PUDP: variants seen among roughly 807,000 people sequenced by gnomAD.
The protein encoded by PUDP is pseudouridine-5'-phosphatase.
In PUDP, 8 loss-of-function variants were observed where a neutral mutation model predicts 9.4. That is an observed-to-expected ratio of 0.85 (90% CI 0.50 to 1.53). The LOEUF is 1.53. Among genes scored for constraint, PUDP ranks in the 40% most tolerant of loss-of-function variants. The pLI is 0.00. For synonymous variants in PUDP, 99 were observed against 80.7 expected (o/e 1.23, Z -1.22); for missense variants, 188 against 189.7 (o/e 0.99, Z 0.05).
intron 1 of PUDP, among the ~76,000 whole-genome samples, chrX:7,125,943 G>C (rs1444148981): frequency 9.1e-6 from 1 of 110,175 alleles, no homozygotes; most frequent in Admixed American, 9.7e-5. Flanking sequence ...ATTTGGGTGG[G>C]GACACAGCCA....
At chrX:7,069,763 G>A (rs1297579120) in intron 3 of PUDP, among the ~76,000 whole-genome samples, 2 of 111,602 alleles carry the variant, frequency 1.8e-5, no homozygotes, top group Admixed American at 1.9e-4. Context: ...AACCAGGGAA[G>A]TGTGAGTCTT....
At chrX:6,921,399 GA>G (rs750644481) in intron 3 of PUDP, among the ~76,000 whole-genome samples, 4 of 109,363 alleles carry the variant, frequency 3.7e-5, no homozygotes, top group African/African-American at 1.0e-4. Context: ...ACAAAAAAAA[GA>G]AAAAAAATAC....
At chrX:7,072,525 T>C (rs1345647898) in intron 3 of PUDP, among the ~76,000 whole-genome samples, 4 of 111,686 alleles carry the variant, frequency 3.6e-5, no homozygotes, top group Admixed American at 1.9e-4. Flanking sequence ...TGTAAAAAAT[T>C]GATTTCCAGC....
intron 3 of PUDP, among the ~76,000 whole-genome samples, chrX:6,967,557 C>A (rs1281578711): frequency 4.5e-5 from 5 of 111,157 alleles, no homozygotes; most frequent in African/African-American, 1.6e-4. Context: ...TAAAAAAGAA[C>A]CAGAGCAATC....
chrX:7,064,388 A>C (rs1414350217), intron 3 of PUDP, among the ~76,000 whole-genome samples: 1 of 112,012 alleles, frequency 8.9e-6, no homozygotes, highest in Non-Finnish European at 1.9e-5. Context: ...CCCACTTGGG[A>C]ACACAACCAG....
chrX:6,803,674 C>T (rs772151752), intron 3 of PUDP, among the ~76,000 whole-genome samples: 11 of 112,040 alleles, frequency 9.8e-5, no homozygotes, highest in Non-Finnish European at 1.3e-4. Context: ...TACATATCTC[C>T]GAGTTCGACG....
intron 3 of PUDP, among the ~76,000 whole-genome samples, chrX:6,736,095 C>A (rs775937149): frequency 8.3e-5 from 9 of 108,428 alleles, no homozygotes; most frequent in Non-Finnish European, 1.7e-4. Context: ...ATTTCTAAAC[C>A]AATAACGACA....
intron 1 of PUDP, chrX:7,117,179 A>G (rs1932220572): frequency 6.5e-6 from 6 of 925,998 alleles, no homozygotes; most frequent in Admixed American, 6.4e-5. Flanking sequence ...AAAATATGGA[A>G]GTGACTTTGG....
At chrX:6,962,418 C>T (rs1928722503) in intron 3 of PUDP, among the ~76,000 whole-genome samples, 4 of 89,633 alleles carry the variant, frequency 4.5e-5, no homozygotes, top group Admixed American at 2.4e-4. Flanking sequence ...TTTCAATCTT[C>T]CTTATAAAAT....
intron 1 of PUDP, among the ~76,000 whole-genome samples, chrX:7,037,412 A>G (rs1297210541): frequency 8.9e-6 from 1 of 112,399 alleles, no homozygotes; most frequent in Admixed American, 9.4e-5. Flanking sequence ...TTGAAACATG[A>G]TGTAGGCTTC....
At chrX:6,775,352 T>C (rs1459400988) in intron 3 of PUDP, among the ~76,000 whole-genome samples, 1 of 111,900 alleles carries the variant, frequency 8.9e-6, no homozygotes, top group Non-Finnish European at 1.9e-5. Context: ...TCTGTTGATA[T>C]ACATTTTGTT....
rs769838293 is a variant in PUDP at position 7,114,029 on chromosome X, T to C, written c.62-8191A>G. Reference sequence around the variant, plus strand: ...ACAGAGCATCACATCTTGAGGGGGCTGAGTATGCTAGCTCAGGTCTCTCTC... The same window carrying C: ...ACAGAGCATCACATCTTGAGGGGGCCGAGTATGCTAGCTCAGGTCTCTCTC... On this transcript the variant is annotated intron_variant, in intron 1 of 3. Transcript: ENST00000381077. 2.8e-4 allele frequency among the ~76,000 whole-genome samples: 30 copies of C among 108,342 alleles called. No individual in the cohort carries two copies. In the South Asian group the frequency reaches 5.5e-3, roughly 20 times the overall value. 94.1% of individuals were successfully genotyped at this position (108,342 alleles called of 115,157 possible). A position where few individuals can be genotyped will look rare whatever the true frequency, so the allele number is the denominator to read the frequency against.
chrX:7,082,154 T>A (rs1931112862), intron 2 of PUDP, among the ~76,000 whole-genome samples: 1 of 112,070 alleles, frequency 8.9e-6, no homozygotes, highest in Admixed American at 9.4e-5. Flanking sequence ...TATCTAGGTA[T>A]CTGTTGCTCC....
At chrX:7,120,848 A>G (rs1169334727) in intron 1 of PUDP, among the ~76,000 whole-genome samples, 1 of 112,549 alleles carries the variant, frequency 8.9e-6, no homozygotes, top group Non-Finnish European at 1.9e-5. Flanking sequence ...CAATGACATG[A>G]GTTCCCAAAA....
chrX:6,841,511 G>A (rs1424590018), intron 3 of PUDP, among the ~76,000 whole-genome samples: 1 of 110,349 alleles, frequency 9.1e-6, no homozygotes, highest in Non-Finnish European at 1.9e-5. Context: ...TGAGGTGGAA[G>A]GATTGCTTGA....
At chrX:6,959,943 C>A (rs1298122807) in intron 3 of PUDP, among the ~76,000 whole-genome samples, 1 of 112,563 alleles carries the variant, frequency 8.9e-6, no homozygotes, top group African/African-American at 3.2e-5. Context: ...CTATTTCTTC[C>A]TTTTGAGAGA....
At chrX:7,018,538 G>A (rs1192111080) in intron 1 of PUDP, among the ~76,000 whole-genome samples, 3 of 112,025 alleles carry the variant, frequency 2.7e-5, no homozygotes, top group Admixed American at 9.4e-5. Flanking sequence ...TAAAGAAAAC[G>A]AAAATTCATT....
chrX:6,877,868 G>C (rs769738860), intron 3 of PUDP, among the ~76,000 whole-genome samples: 6 of 111,839 alleles, frequency 5.4e-5, no homozygotes, highest in African/African-American at 1.9e-4. Context: ...GCTGATAAAA[G>C]CTGGCTGAGT....
chrX:6,792,108 A>G (rs1161545477), intron 3 of PUDP, among the ~76,000 whole-genome samples: 1 of 111,082 alleles, frequency 9.0e-6, no homozygotes, highest in African/African-American at 3.3e-5. Context: ...AAGTCAGCAA[A>G]TTCAGAGAAA....
Sources: gnomAD v4.1 joint callset for allele counts (sites outside exome capture counted in the v4.1 genomes callset) on GRCh38, gnomAD v4.1.1 for gene constraint, MANE v1.5 for transcripts, NCBI Gene and HGNC (gene_info 2026-07-23, HGNC 2026-07-21) for gene names.